TRPM3: variants seen among roughly 807,000 people sequenced by gnomAD.
The protein encoded by TRPM3 is long transient receptor potential channel 3.
TRPM3 carries 77 observed loss-of-function variants against 181.2 expected under a neutral mutation model. The observed-to-expected ratio is 0.42, with a 90% CI of 0.35 to 0.51. The LOEUF is 0.51. TRPM3 is among the 20% of genes least tolerant of loss of function. The pLI is 0.01. For missense variants in TRPM3, 1,759 were observed against 2,196.7 expected (o/e 0.80, Z 3.98); for synonymous variants, 745 against 796.4 (o/e 0.94, Z 1.09).
chr9:71,171,960 G>A (rs907651867), intron 1 of TRPM3, among the ~76,000 whole-genome samples: 13 of 152,164 alleles, frequency 8.5e-5, no homozygotes, highest in East Asian at 1.9e-4. Context: ...GTGCAGTGGC[G>A]TGATCATAGC....
intron 9 of TRPM3, among the ~76,000 whole-genome samples, chr9:70,655,504 C>T (rs2060217729): frequency 6.6e-6 from 1 of 151,962 alleles, no homozygotes; most frequent in African/African-American, 2.4e-5. Flanking sequence ...CACTGTTTGG[C>T]TCCAACAGGT....
intron 1 of TRPM3, among the ~76,000 whole-genome samples, chr9:71,435,815 T>C (rs1168715297): frequency 6.6e-6 from 1 of 152,066 alleles, no homozygotes; most frequent in Non-Finnish European, 1.5e-5. Context: ...AAAGAGATGG[T>C]TTTCAATTAC....
chr9:71,155,787 T>C (rs1032948645), intron 1 of TRPM3, among the ~76,000 whole-genome samples: 4 of 152,052 alleles, frequency 2.6e-5, no homozygotes, highest in African/African-American at 9.7e-5. Flanking sequence ...ATTAGAAGTG[T>C]TTTACAGAAA....
At chr9:71,422,448 C>T (rs911933195) in intron 1 of TRPM3, among the ~76,000 whole-genome samples, 1 of 152,048 alleles carries the variant, frequency 6.6e-6, no homozygotes, top group Non-Finnish European at 1.5e-5. Context: ...TTATTCATTA[C>T]TGAGTTAGGC....
chr9:71,435,332 A>G (rs1437000218), intron 1 of TRPM3, among the ~76,000 whole-genome samples: 1 of 152,246 alleles, frequency 6.6e-6, no homozygotes. Context: ...GTAGCAAGAA[A>G]GTCTCTCAGA....
intron 9 of TRPM3, among the ~76,000 whole-genome samples, chr9:70,668,439 C>A (rs561130740): frequency 6.6e-6 from 1 of 151,842 alleles, no homozygotes; most frequent in Non-Finnish European, 1.5e-5. Flanking sequence ...CCGAGGCGGG[C>A]GGATCACGAG....
intron 1 of TRPM3, among the ~76,000 whole-genome samples, chr9:71,092,762 A>G (rs190249601): frequency 6.6e-6 from 1 of 152,246 alleles, no homozygotes; most frequent in East Asian, 1.9e-4. Flanking sequence ...AAATGTTGTG[A>G]TAAATTTATG....
chr9:71,099,046 G>A (rs1230446209), intron 1 of TRPM3, among the ~76,000 whole-genome samples: 1 of 152,128 alleles, frequency 6.6e-6, no homozygotes, highest in Non-Finnish European at 1.5e-5. Context: ...AGCAATATTA[G>A]CTGATGTCTT....
At chr9:71,172,757 C>T (rs2076930065) in intron 1 of TRPM3, among the ~76,000 whole-genome samples, 1 of 152,056 alleles carries the variant, frequency 6.6e-6, no homozygotes, top group Non-Finnish European at 1.5e-5. Flanking sequence ...AGAAAAATCT[C>T]CAAACAGAAT....
rs549012227 is a variant in TRPM3 at position 71,335,489 on chromosome 9, C to CTT, written c.183+111162_183+111163dup. Reference sequence around the variant, plus strand: ...ACGCCCTTATAATCTTCCTATGTGACTTATACATACTGAACACTTTAAACT... The same window carrying CTT: ...ACGCCCTTATAATCTTCCTATGTGACTTTTATACATACTGAACACTTTAAACT... On this transcript the variant is annotated intron_variant, in intron 1 of 24. Coordinates refer to the TRPM3 transcript ENST00000357533. Among the ~76,000 whole-genome samples, 112 of 152,188 alleles carry CTT rather than the reference C, an allele frequency of 7.4e-4. 1 individual carries two copies. The South Asian group carries it at 0.023, about 31-fold the overall frequency.
intron 1 of TRPM3, among the ~76,000 whole-genome samples, chr9:71,360,854 A>G (rs1382448535): frequency 1.3e-5 from 2 of 152,258 alleles, no homozygotes; most frequent in Non-Finnish European, 2.9e-5. Flanking sequence ...AGTTTGCATT[A>G]AAATGATCCA....
chr9:70,865,994 G>C (rs1246501440), intron 1 of TRPM3, among the ~76,000 whole-genome samples: 1 of 151,930 alleles, frequency 6.6e-6, no homozygotes, highest in African/African-American at 2.4e-5. Flanking sequence ...CCAATGTCTA[G>C]TCTCAAATAT....
intron 1 of TRPM3, among the ~76,000 whole-genome samples, chr9:71,014,303 T>C (rs1277697338): frequency 2.0e-5 from 3 of 152,096 alleles, no homozygotes; most frequent in Non-Finnish European, 4.4e-5. Flanking sequence ...TCTCAGAATG[T>C]CATGACCTAA....
chr9:71,017,118 T>C (rs1275997224), intron 1 of TRPM3, among the ~76,000 whole-genome samples: 2 of 152,152 alleles, frequency 1.3e-5, no homozygotes, highest in African/African-American at 2.4e-5. Context: ...TCAGCTAATC[T>C]ACTTCTCACA....
intron 9 of TRPM3, among the ~76,000 whole-genome samples, chr9:70,670,821 T>G (rs1362598969): frequency 3.3e-5 from 5 of 152,226 alleles, no homozygotes; most frequent in Non-Finnish European, 5.9e-5. Context: ...AACCATGTCA[T>G]GTGTCCCTTA....
At chr9:71,122,821 G>A (rs1011399398), upstream of TRPM3, among the ~76,000 whole-genome samples, 12 of 152,220 alleles carry the variant, frequency 7.9e-5, no homozygotes, top group East Asian at 3.9e-4. Flanking sequence ...GACCTACCTC[G>A]TATAGTAAAA....
At chr9:70,849,719 T>G (rs1158980466) in intron 3 of TRPM3, among the ~76,000 whole-genome samples, 2 of 152,166 alleles carry the variant, frequency 1.3e-5, no homozygotes, top group Non-Finnish European at 2.9e-5. Flanking sequence ...AATAATTAAT[T>G]CTGGAATTTA....
intron 1 of TRPM3, among the ~76,000 whole-genome samples, chr9:70,992,685 A>T (rs2097500521): frequency 6.6e-6 from 1 of 152,232 alleles, no homozygotes; most frequent in Non-Finnish European, 1.5e-5. Flanking sequence ...AATTTTAGCT[A>T]ATTTAACTTA....
chr9:71,404,239 T>C (rs1588876350), intron 1 of TRPM3, among the ~76,000 whole-genome samples: 1 of 152,224 alleles, frequency 6.6e-6, no homozygotes. Context: ...TTATTGTTAC[T>C]GACTTTTTAA....
Sources: gnomAD v4.1 joint callset for allele counts (sites outside exome capture counted in the v4.1 genomes callset) on GRCh38, gnomAD v4.1.1 for gene constraint, MANE v1.5 for transcripts, NCBI Gene and HGNC (gene_info 2026-07-23, HGNC 2026-07-21) for gene names.